The following BMPER variants were observed in gnomAD, a reference collection of about 807,000 sequenced individuals.
The protein encoded by BMPER is BMP binding endothelial regulator.
A neutral mutation model predicts 87.3 loss-of-function variants in BMPER; 45 were observed. That is an observed-to-expected ratio of 0.52 (90% confidence interval 0.41 to 0.66). The LOEUF is 0.66. Among genes scored for constraint, BMPER ranks in the 30% least tolerant of loss-of-function variants. The pLI is 0.00. For synonymous variants in BMPER, 326 were observed against 316.2 expected (o/e 1.03, Z -0.33); for missense variants, 784 against 867.5 (o/e 0.90, Z 1.21).
chr7:33,937,300 G>C lies in BMPER; in HGVS notation c.231G>C (p.Val77=). 6.2e-7 allele frequency: 1 copy of C among 1,614,096 alleles called. No individual in the cohort carries two copies. Among genetic ancestry groups the C allele is most frequent in the South Asian group, 1.1e-5 (1 of 91,076 alleles). The change falls in exon 3 of 15, where the codon GTG becomes GTC. Residue 77 remains valine, a synonymous_variant. Transcript: ENST00000649409. ...CIMCVCLNKE[V]TCKREKCPVL... is the part of the protein sequence containing the mutation. ...CTCTTTTTGTCTAGAACAAGGAAGT[G>C]ACATGTAAGAGAGAGAAGTGCCCCG...
intron 14 of BMPER, among the ~76,000 whole-genome samples, chr7:34,152,421 C>G (rs928040389): frequency 1.3e-5 from 2 of 152,152 alleles, no homozygotes; most frequent in Non-Finnish European, 2.9e-5. Context: ...CAGGATCTCT[C>G]ATAATTTTGT....
rs1783790390 is a variant in BMPER at position 33,905,611 on chromosome 7, A to G, written c.-3A>G. Reference sequence around the variant, plus strand: ...AGTCGCCAGGGATTCCCTCCAGGTGACGATGCTCTGGTTCTCCGGCGTCGG... The same window carrying G: ...AGTCGCCAGGGATTCCCTCCAGGTGGCGATGCTCTGGTTCTCCGGCGTCGG... On this transcript the variant is annotated 5_prime_UTR_variant, in exon 1 of 15. Transcript: ENST00000649409. 7 of 1,611,950 alleles carry G rather than the reference A, an allele frequency of 4.3e-6. No homozygotes were observed. Among genetic ancestry groups the G allele is most frequent in the Non-Finnish European group, 5.9e-6 (7 of 1,179,804 alleles).
intron 6 of BMPER, among the ~76,000 whole-genome samples, chr7:34,044,814 C>T (rs550014987): frequency 1.3e-5 from 2 of 152,224 alleles, no homozygotes; most frequent in South Asian, 4.1e-4. Flanking sequence ...AGACATATAA[C>T]ATGCCCTCCC....
chr7:33,956,584 C>T (rs1222555918), intron 3 of BMPER, among the ~76,000 whole-genome samples: 2 of 152,134 alleles, frequency 1.3e-5, no homozygotes, highest in Non-Finnish European at 2.9e-5. Context: ...CTACCTCCTC[C>T]ACTTTGTCCA....
chr7:34,103,380 A>C (rs1386054217), intron 13 of BMPER, among the ~76,000 whole-genome samples: 7 of 152,132 alleles, frequency 4.6e-5, no homozygotes, highest in Admixed American at 6.5e-5. Flanking sequence ...TATCAGTAGA[A>C]TCTAGATGTT....
At chr7:33,911,357 C>T (rs1354945041) in intron 2 of BMPER, among the ~76,000 whole-genome samples, 2 of 152,196 alleles carry the variant, frequency 1.3e-5, no homozygotes, top group Non-Finnish European at 2.9e-5. Flanking sequence ...AGAGACAGAA[C>T]TGGGATGTGA....
chr7:34,062,669 C>T (rs1788466499), intron 11 of BMPER, among the ~76,000 whole-genome samples: 1 of 152,154 alleles, frequency 6.6e-6, no homozygotes, highest in South Asian at 2.1e-4. Context: ...CTTACACAAA[C>T]CTAGATGGTA....
At chr7:34,110,822 A>T (rs117456243) in intron 13 of BMPER, among the ~76,000 whole-genome samples, 1 of 152,234 alleles carries the variant, frequency 6.6e-6, no homozygotes, top group African/African-American at 2.4e-5. Context: ...AGACAAAATT[A>T]TGAAGAATTA....
chr7:34,151,551 G>T (rs1447704247), intron 14 of BMPER, among the ~76,000 whole-genome samples: 1 of 152,150 alleles, frequency 6.6e-6, no homozygotes, highest in African/African-American at 2.4e-5. Context: ...GAATCAATAA[G>T]GCATAGATGA....
intron 2 of BMPER, among the ~76,000 whole-genome samples, chr7:33,923,067 T>G (rs938824611): frequency 6.6e-6 from 1 of 152,150 alleles, no homozygotes; most frequent in African/African-American, 2.4e-5. Flanking sequence ...TCTTGGCCAG[T>G]GCCTGCCTGT....
intron 3 of BMPER, among the ~76,000 whole-genome samples, chr7:33,940,454 G>C (rs1784724203): frequency 6.6e-6 from 1 of 152,206 alleles, no homozygotes; most frequent in South Asian, 2.1e-4. Context: ...GGACTGGAGG[G>C]AGACCCTTGG....
chr7:34,100,022 A>C (rs1362459), intron 13 of BMPER, among the ~76,000 whole-genome samples: 1 of 152,060 alleles, frequency 6.6e-6, no homozygotes, highest in African/African-American at 2.4e-5. Flanking sequence ...AGTGGACACC[A>C]GGTCAAGAAA....
At chr7:34,097,273 T>C (rs1012443118) in intron 13 of BMPER, among the ~76,000 whole-genome samples, 3 of 152,172 alleles carry the variant, frequency 2.0e-5, no homozygotes, top group African/African-American at 7.2e-5. Flanking sequence ...AGGGAGAGCC[T>C]GGCACAGGCA....
chr7:34,119,041 C>G (rs931531679), intron 13 of BMPER, among the ~76,000 whole-genome samples: 1 of 151,860 alleles, frequency 6.6e-6, no homozygotes, highest in Non-Finnish European at 1.5e-5. Flanking sequence ...CACACACGCA[C>G]TCGATACGAT....
chr7:33,931,527 A>G (rs1465543974), intron 2 of BMPER, among the ~76,000 whole-genome samples: 1 of 152,224 alleles, frequency 6.6e-6, no homozygotes, highest in Non-Finnish European at 1.5e-5. Context: ...AAGTGGTATA[A>G]TATTGCCTGG....
chr7:34,132,467 G>C (rs10272506), intron 13 of BMPER, among the ~76,000 whole-genome samples: 2 of 145,878 alleles, frequency 1.4e-5, no homozygotes, highest in African/African-American at 2.5e-5. Context: ...CCTCCGGATC[G>C]AAGCCAGGTT....
At chr7:33,937,146 A>C in intron 2 of BMPER, 143 bp from the exon 3 acceptor site, 1 of 831,392 alleles carries the variant, frequency 1.2e-6, no homozygotes, top group Non-Finnish European at 2.0e-6. Flanking sequence ...CAGAGATGGC[A>C]AAATCCTATT....
chr7:33,989,989 A>AT (rs1786156736), intron 6 of BMPER, among the ~76,000 whole-genome samples: 1 of 152,092 alleles, frequency 6.6e-6, no homozygotes, highest in Non-Finnish European at 1.5e-5. Flanking sequence ...CTGTTTTGGT[A>AT]CCAGTACCAT....
At chr7:34,109,496 A>G (rs569138518) in intron 13 of BMPER, among the ~76,000 whole-genome samples, 1 of 152,338 alleles carries the variant, frequency 6.6e-6, no homozygotes, top group Admixed American at 6.5e-5. Flanking sequence ...ATTAATCATC[A>G]CAATTGAGAT....
Sources: allele counts gnomAD v4.1 joint callset (sites outside exome capture counted in the v4.1 genomes callset), GRCh38; gene constraint gnomAD v4.1.1; transcripts MANE v1.5; gene names NCBI Gene and HGNC (gene_info 2026-07-23, HGNC 2026-07-21).